MTMR12: variants seen among roughly 807,000 people sequenced by gnomAD.
MTMR12 encodes myotubularin related protein 12.
In MTMR12, 33 loss-of-function variants were observed where a neutral mutation model predicts 96.7. The observed-to-expected ratio is 0.34, with a 90% CI of 0.26 to 0.46. The LOEUF (loss-of-function observed/expected upper bound fraction) is 0.46. MTMR12 is among the 20% of genes least tolerant of loss of function. MTMR12 has a pLI of 1.00. For synonymous variants in MTMR12, 298 were observed against 327.2 expected, an observed-to-expected ratio of 0.91 and a Z score of 0.96; for missense variants, 721 against 896.1, an observed-to-expected ratio of 0.80 and a Z score of 2.49.
At chr5:32,278,648 C>T (rs542465610) in intron 1 of MTMR12, among the ~76,000 whole-genome samples, 5 of 152,264 alleles carry the variant, frequency 3.3e-5, no homozygotes, top group East Asian at 3.9e-4. Context: ...CATAAGCCTG[C>T]GGACTTATAG....
At chr5:32,264,180 C>T (rs1303857854) in intron 6 of MTMR12, among the ~76,000 whole-genome samples, 5 of 152,172 alleles carry the variant, frequency 3.3e-5, no homozygotes, top group Non-Finnish European at 5.9e-5. Context: ...GCTCTTGCAG[C>T]CTAGCAGATG....
At chr5:32,231,035 T>G (rs1044575788) in intron 15 of MTMR12, among the ~76,000 whole-genome samples, 1 of 151,976 alleles carries the variant, frequency 6.6e-6, no homozygotes, top group African/African-American at 2.4e-5. Flanking sequence ...TTTTCATATT[T>G]CCCCCCTTGG....
At chr5:32,265,234 AC>A (rs1166754220) in intron 6 of MTMR12, among the ~76,000 whole-genome samples, 3 of 152,232 alleles carry the variant, frequency 2.0e-5, no homozygotes, top group African/African-American at 7.2e-5. Context: ...TATAACCTTT[AC>A]TTCTCAAAAC....
chr5:32,242,583 G>A lies in MTMR12; in HGVS notation c.1101-456C>T, dbSNP rs144155921. On this transcript the variant is annotated intron_variant, in intron 11 of 15. Coordinates refer to ENST00000382142, the MANE Select transcript of MTMR12 (RefSeq NM_001040446.3). ...TCTCTCTACACGTTATTCCCTTTGC[G>A]ACTGTTGCCGCTATTCCCAGCTTTG... 7.9e-3 allele frequency among the ~76,000 whole-genome samples: 1,206 copies of A among 151,866 alleles called. 20 individuals carry two copies. The highest frequency in any genetic ancestry group is 0.027 in the African/African-American group (1,107 of 41,400).
intron 1 of MTMR12, among the ~76,000 whole-genome samples, chr5:32,305,006 G>C (rs1419602251): frequency 6.6e-6 from 1 of 152,214 alleles, no homozygotes; most frequent in Non-Finnish European, 1.5e-5. Context: ...CACGCTCAAA[G>C]AGAAAATTCT....
At chr5:32,267,161 A>G (rs1000128764) in intron 6 of MTMR12, among the ~76,000 whole-genome samples, 1 of 151,716 alleles carries the variant, frequency 6.6e-6, no homozygotes, top group African/African-American at 2.4e-5. Context: ...GGATCACCTG[A>G]GGTAAGGAGT....
intron 5 of MTMR12, among the ~76,000 whole-genome samples, chr5:32,270,097 T>C (rs954894089): frequency 2.0e-5 from 3 of 152,146 alleles, no homozygotes; most frequent in African/African-American, 4.8e-5. Context: ...AGGTTTCCCC[T>C]GATGTATTTA....
At chr5:32,268,895 G>A (rs1749712799) in intron 5 of MTMR12, 101 bp from the exon 6 acceptor site, 2 of 847,196 alleles carry the variant, frequency 2.4e-6, no homozygotes, top group Non-Finnish European at 3.9e-6. Context: ...TGCCAAAGGG[G>A]TTCCAATGGA....
chr5:32,230,404 G>A, intron 15 of MTMR12, 57 bp from the exon 16 acceptor site: 1 of 1,443,028 alleles, frequency 6.9e-7, no homozygotes, highest in Non-Finnish European at 9.4e-7. Context: ...ACAGTTAACA[G>A]CTGTTACCAT....
At chr5:32,309,910 G>C (rs1253501279) in intron 1 of MTMR12, 4 of 152,192 alleles carry the variant, frequency 2.6e-5, no homozygotes. Context: ...CTGTTGGTGG[G>C]AACGTAAATC....
intron 7 of MTMR12, among the ~76,000 whole-genome samples, chr5:32,257,084 T>C (rs1749167154): frequency 6.6e-6 from 1 of 151,958 alleles, no homozygotes; most frequent in Non-Finnish European, 1.5e-5. Context: ...TCCCAACACT[T>C]TGGGGGGCCA....
In MTMR12 at chr5:32,284,701, T is replaced by C. The variant is rs1750454284; in HGVS notation, c.82-7959A>G. The stretch of plus-strand genomic sequence containing the variant: ...CCTAGTTAGTAGATGTTGACAACCT[T>C]ACTTCTGCAGCTGTGAAACACGAGG... On this transcript the variant is annotated intron_variant, in intron 1 of 15. Coordinates refer to ENST00000382142, the MANE Select transcript of MTMR12 (RefSeq NM_001040446.3). Among the ~76,000 whole-genome samples, 5 of 152,078 alleles carry C rather than the reference T, an allele frequency of 3.3e-5. No individual in the cohort carries two copies. In the Admixed American group the frequency reaches 3.3e-4, roughly 10 times the overall value.
Position 32,263,184 on chromosome 5 carries a change from T to C in MTMR12, c.642A>G (p.Glu214=). Residue 214 remains glutamate (E), a synonymous_variant, in exon 7 of 16, where the codon GAA becomes GAG. Coordinates refer to ENST00000382142, the MANE Select transcript of MTMR12 (RefSeq NM_001040446.3). ...TCATGTTGCCTTTGGTCCGTTCCAG[T>C]TCCCAACACCAGTCCTTAAGTGTGT... ...MFDTLKDWCW[E]LERTKGNMKY... is the part of the protein sequence containing the mutation. 1 of 1,614,234 alleles carries C rather than the reference T, an allele frequency of 6.2e-7. No homozygotes were observed. The highest frequency in any genetic ancestry group is 8.5e-7 in the Non-Finnish European group (1 of 1,180,048).
chr5:32,278,671 G>C (rs934104745), intron 1 of MTMR12, among the ~76,000 whole-genome samples: 7 of 152,312 alleles, frequency 4.6e-5, no homozygotes, highest in African/African-American at 1.7e-4. Flanking sequence ...CAGGGATGCA[G>C]GCTGGCTCTC....
intron 14 of MTMR12, 125 bp from the exon 15 acceptor site, chr5:32,234,059 A>AT: frequency 8.6e-7 from 1 of 1,163,958 alleles, no homozygotes; most frequent in Admixed American, 2.5e-5. Flanking sequence ...AATCATGGGC[A>AT]TTTAAGGCTG....
At chr5:32,244,552 T>C (rs2112010837) in intron 10 of MTMR12, among the ~76,000 whole-genome samples, 1 of 152,014 alleles carries the variant, frequency 6.6e-6, no homozygotes, top group South Asian at 2.1e-4. Context: ...GATCGCACCA[T>C]TGCACTCCAG....
At chr5:32,311,316 T>C (rs1480066254) in intron 1 of MTMR12, among the ~76,000 whole-genome samples, 1 of 152,208 alleles carries the variant, frequency 6.6e-6, no homozygotes, top group Non-Finnish European at 1.5e-5. Context: ...TGACCCTGAC[T>C]CCACATCAAG....
At chr5:32,242,641 T>C (rs1748524265) in intron 11 of MTMR12, among the ~76,000 whole-genome samples, 1 of 151,782 alleles carries the variant, frequency 6.6e-6, no homozygotes, top group Non-Finnish European at 1.5e-5. Flanking sequence ...ACATCTGTTG[T>C]CTTCTGCTTG....
At chr5:32,248,560 C>T (rs1412404506) in intron 9 of MTMR12, among the ~76,000 whole-genome samples, 5 of 152,118 alleles carry the variant, frequency 3.3e-5, no homozygotes, top group African/African-American at 1.2e-4. Context: ...AAGACTTTAG[C>T]GTGCACCTCT....
Sources: allele counts gnomAD v4.1 joint callset (sites outside exome capture counted in the v4.1 genomes callset), GRCh38; gene constraint gnomAD v4.1.1; transcripts MANE v1.5; gene names NCBI Gene and HGNC (gene_info 2026-07-23, HGNC 2026-07-21).